The following CPQ variants were observed in gnomAD, a reference collection of about 807,000 sequenced individuals.
The protein encoded by CPQ is Ser-Met dipeptidase.
CPQ carries 37 observed loss-of-function variants against 45.7 expected under a neutral mutation model. The observed-to-expected ratio is 0.81, with a 90% CI of 0.62 to 1.07. CPQ has a LOEUF of 1.07. Among genes scored for constraint, CPQ ranks in the 50% least tolerant of loss-of-function variants. The probability of loss-of-function intolerance (pLI) is 0.00; values close to 1 mark genes in which losing one functional copy is unlikely to be tolerated. For synonymous variants in CPQ, 186 were observed against 205.8 expected, an observed-to-expected ratio of 0.90 and a Z score of 0.82; for missense variants, 537 against 572.9, an observed-to-expected ratio of 0.94 and a Z score of 0.64.
chr8:97,119,190 G>A (rs1243323014), intron 7 of CPQ, among the ~76,000 whole-genome samples: 2 of 151,950 alleles, frequency 1.3e-5, no homozygotes, highest in African/African-American at 2.4e-5. Context: ...TTAGCTGGGC[G>A]TGGTAATGGG....
chr8:96,955,070 G>A (rs1480947752), intron 4 of CPQ, among the ~76,000 whole-genome samples: 1 of 152,076 alleles, frequency 6.6e-6, no homozygotes, highest in Non-Finnish European at 1.5e-5. Context: ...ATCTACATGT[G>A]TCTTTATAGC....
At chr8:97,094,023 C>T (rs1490142515) in intron 7 of CPQ, among the ~76,000 whole-genome samples, 1 of 151,942 alleles carries the variant, frequency 6.6e-6, no homozygotes. Context: ...CAAATAAGTT[C>T]CTCCTTCTCT....
chr8:96,740,929 T>A (rs1032445344), intron 1 of CPQ, among the ~76,000 whole-genome samples: 3 of 152,210 alleles, frequency 2.0e-5, no homozygotes, highest in African/African-American at 7.2e-5. Flanking sequence ...ATTCTCTTTT[T>A]TGGTTGTGTC....
chr8:97,015,995 G>A (rs895404298), intron 5 of CPQ, among the ~76,000 whole-genome samples: 1 of 151,854 alleles, frequency 6.6e-6, no homozygotes, highest in Non-Finnish European at 1.5e-5. Context: ...AGTTGTTTTG[G>A]TTTCTAATTT....
chr8:96,959,437 A>G (rs1813413241), intron 4 of CPQ, among the ~76,000 whole-genome samples: 1 of 152,102 alleles, frequency 6.6e-6, no homozygotes, highest in East Asian at 1.9e-4. Flanking sequence ...TATTTTAGAA[A>G]ATCTCCAAGG....
At chr8:97,059,663 C>T (rs2130518641) in intron 6 of CPQ, among the ~76,000 whole-genome samples, 1 of 152,282 alleles carries the variant, frequency 6.6e-6, no homozygotes, top group Admixed American at 6.5e-5. Context: ...GTAAAGAAAT[C>T]ACCTTCATCC....
At chr8:96,876,399 T>G (rs1812145681) in intron 3 of CPQ, among the ~76,000 whole-genome samples, 1 of 152,122 alleles carries the variant, frequency 6.6e-6, no homozygotes, top group Non-Finnish European at 1.5e-5. Flanking sequence ...TTACTTCTTC[T>G]TTTCCAATAT....
At chr8:96,761,640 T>C (rs1810407398) in intron 1 of CPQ, 2 of 152,236 alleles carry the variant, frequency 1.3e-5, no homozygotes. Flanking sequence ...CTGTCCCTGA[T>C]TTTCTGTGTG....
At chr8:97,096,228 G>A (rs1275769148) in intron 7 of CPQ, among the ~76,000 whole-genome samples, 1 of 152,174 alleles carries the variant, frequency 6.6e-6, no homozygotes, top group African/African-American at 2.4e-5. Context: ...TATAAGTTAT[G>A]AGTGGTAGAG....
At chr8:96,889,349 A>G (rs1812344497) in intron 4 of CPQ, among the ~76,000 whole-genome samples, 1 of 152,182 alleles carries the variant, frequency 6.6e-6, no homozygotes, top group Non-Finnish European at 1.5e-5. Flanking sequence ...TTGGAAATAA[A>G]GTTGGCAGGA....
intron 4 of CPQ, among the ~76,000 whole-genome samples, chr8:96,931,495 C>T (rs1002987136): frequency 6.6e-6 from 1 of 152,250 alleles, no homozygotes; most frequent in African/African-American, 2.4e-5. Context: ...TTGGAATGCT[C>T]ACGCTCCTGG....
At chr8:96,801,288 TA>T in intron 2 of CPQ, among the ~76,000 whole-genome samples, 1 of 152,186 alleles carries the variant, frequency 6.6e-6, no homozygotes, top group East Asian at 1.9e-4. Context: ...AATCTGATCT[TA>T]AAAACAAAAA....
intron 7 of CPQ, among the ~76,000 whole-genome samples, chr8:97,103,121 C>T (rs181451393): frequency 3.3e-5 from 5 of 152,270 alleles, no homozygotes; most frequent in Admixed American, 1.3e-4. Flanking sequence ...ACATTGGACC[C>T]ACCCAGATAA....
At chr8:96,697,449 A>G (rs1809400746) in intron 1 of CPQ, among the ~76,000 whole-genome samples, 1 of 152,194 alleles carries the variant, frequency 6.6e-6, no homozygotes, top group African/African-American at 2.4e-5. Flanking sequence ...CCTTTTCTCT[A>G]AGATCTAGAA....
chr8:96,737,355 G>GATATATATATATATATATAT (rs372241683), intron 1 of CPQ, among the ~76,000 whole-genome samples: 3,208 of 117,608 alleles, frequency 0.027, 119 homozygotes, highest in Admixed American at 0.04. Context: ...ACTAATAGGA[G>GATATATATATATATATATAT]ATATATATAT....
chr8:96,814,992 G>A (rs1811208407), intron 2 of CPQ, among the ~76,000 whole-genome samples: 1 of 152,070 alleles, frequency 6.6e-6, no homozygotes, highest in African/African-American at 2.4e-5. Flanking sequence ...GTTGCCAGGG[G>A]TTTGGCAACC....
chr8:96,883,553 T>C (rs73279819), intron 4 of CPQ, among the ~76,000 whole-genome samples: 2,827 of 152,172 alleles, frequency 0.019, 110 homozygotes, highest in African/African-American at 0.064. Flanking sequence ...AAAATGAAAA[T>C]GAGGACAGTA....
At chr8:96,894,689 A>C (rs1812420961) in intron 4 of CPQ, among the ~76,000 whole-genome samples, 1 of 152,200 alleles carries the variant, frequency 6.6e-6, no homozygotes. Context: ...TGTTTGAAAT[A>C]TTTACTTCAA....
chr8:96,835,003 CT>C lies in CPQ; in HGVS notation c.467del (p.Phe156SerfsTer86), dbSNP rs1563508822. 1 of 1,613,566 alleles carries C rather than the reference CT, an allele frequency of 6.2e-7. No homozygotes were observed. Among genetic ancestry groups the C allele is most frequent in the Admixed American group, 1.7e-5 (1 of 59,900 alleles). On this transcript the variant is annotated frameshift_variant, in exon 3 of 8. Transcript: ENST00000220763. LOFTEE classifies it high-confidence loss of function. ...GITAEVLVVT[S>X]FDELQRRASE... ...ACAGCAGAAGTTCTGGTGGTGACCT[CT>C]TTCGATGAACTGCAGAGAAGGGCCT...
Sources: gnomAD v4.1 joint callset for allele counts (sites outside exome capture counted in the v4.1 genomes callset) on GRCh38, gnomAD v4.1.1 for gene constraint, MANE v1.5 for transcripts, NCBI Gene and HGNC (gene_info 2026-07-23, HGNC 2026-07-21) for gene names.